Variants in PLCXD3 observed in about 807,000 individuals in gnomAD.
PLCXD3 encodes the protein PI-PLC X domain-containing protein 3.
Under a neutral mutation model 25.5 loss-of-function variants are expected in PLCXD3, and 19 were observed. The ratio of observed to expected loss-of-function variants is 0.75; its 90% CI spans 0.52 to 1.09. PLCXD3 has a LOEUF of 1.09. Ranked by LOEUF, PLCXD3 falls within the 50% of genes least tolerant of loss-of-function variation. PLCXD3 has a pLI of 0.00. For synonymous variants in PLCXD3, 174 were observed against 137.6 expected, an observed-to-expected ratio of 1.26 and a Z score of -1.85; for missense variants, 411 against 388.1, an observed-to-expected ratio of 1.06 and a Z score of -0.50.
At position 41,407,575 on chromosome 5, in the gene PLCXD3, T is replaced by C. The variant is rs1746389584; in HGVS notation, c.104-25041A>G. ...TTTGCCTCAATCTTCCAGCTCGTGATTGAGTCTTTATGAACAATCCAAGAG... is the reference window on the plus strand; with the variant it reads ...TTTGCCTCAATCTTCCAGCTCGTGACTGAGTCTTTATGAACAATCCAAGAG... On this transcript the variant is annotated intron_variant, in intron 1 of 2. Transcript: ENST00000377801. 2.6e-5 allele frequency among the ~76,000 whole-genome samples: 4 copies of C among 152,204 alleles called. No individual in the cohort carries two copies. The South Asian group carries it at 8.3e-4, about 31-fold the overall frequency.
chr5:41,465,353 C>CTTTTTTTTTTTT lies in PLCXD3; in HGVS notation c.103+45059_103+45070dup. On this transcript the variant is annotated intron_variant, in intron 1 of 2. Coordinates refer to ENST00000377801, the MANE Select transcript of PLCXD3 (RefSeq NM_001005473.3). ...TCCTACTTTCCCCACTAGTTCTTGT[C>CTTTTTTTTTTTT]TTTTTTTTTTTTTTTTTTTTTTTTT... 3.6e-3 allele frequency among the ~76,000 whole-genome samples: 47 copies of CTTTTTTTTTTTT among 13,232 alleles called. 8 individuals are homozygous for CTTTTTTTTTTTT. The highest frequency in any genetic ancestry group is 6.5e-3 in the South Asian group (1 of 154). 8.7% of individuals were successfully genotyped at this position (13,232 alleles called of 152,430 possible). A position where few individuals can be genotyped will look rare whatever the true frequency, so the allele number is the denominator to read the frequency against.
At chr5:41,395,375 A>T (rs953118360) in intron 1 of PLCXD3, among the ~76,000 whole-genome samples, 2 of 152,124 alleles carry the variant, frequency 1.3e-5, no homozygotes, top group Non-Finnish European at 2.9e-5. Flanking sequence ...CAAAACAAGG[A>T]AAAACTTCAA....
At chr5:41,324,752 G>A (rs1743574458) in intron 2 of PLCXD3, among the ~76,000 whole-genome samples, 1 of 152,150 alleles carries the variant, frequency 6.6e-6, no homozygotes, top group African/African-American at 2.4e-5. Flanking sequence ...CATCACCTTT[G>A]CATATATGAG....
chr5:41,438,216 T>C (rs1272192345), intron 1 of PLCXD3, among the ~76,000 whole-genome samples: 6 of 152,212 alleles, frequency 3.9e-5, no homozygotes, highest in Admixed American at 3.9e-4. Flanking sequence ...TTGCTCACTT[T>C]TAAGTGAAAA....
chr5:41,449,122 A>C (rs146085535), intron 1 of PLCXD3, among the ~76,000 whole-genome samples: 98 of 152,286 alleles, frequency 6.4e-4, no homozygotes, highest in African/African-American at 2.3e-3. Context: ...ACTCCTTGGC[A>C]TTTCTGTATA....
intron 1 of PLCXD3, among the ~76,000 whole-genome samples, chr5:41,488,219 A>G (rs1194061990): frequency 6.7e-6 from 1 of 149,310 alleles, no homozygotes; most frequent in Admixed American, 6.7e-5. Context: ...GAGAATGATG[A>G]TTTCCAATTT....
In PLCXD3 at chr5:41,311,248, G is replaced by T. The variant is rs1743130616; in HGVS notation, c.*2369C>A. The T allele has an allele frequency of 6.6e-6, 1 of 151,802 alleles. No homozygotes were observed. Among genetic ancestry groups the T allele is most frequent in the African/African-American group, 2.4e-5 (1 of 41,322 alleles). The allele number at this position is 151,802 out of a possible 1,614,324, so 9.4% of individuals were successfully genotyped here. A position where few individuals can be genotyped will look rare whatever the true frequency, so the allele number is the denominator to read the frequency against. ...TTCAATAATCCTAATCATTTTAAAAGGATTCATATACATTTTCACATAAAG... is the reference window on the plus strand; with the variant it reads ...TTCAATAATCCTAATCATTTTAAAATGATTCATATACATTTTCACATAAAG... On this transcript the variant is annotated 3_prime_UTR_variant, in exon 3 of 3. Transcript: ENST00000377801.
intron 1 of PLCXD3, among the ~76,000 whole-genome samples, chr5:41,503,909 T>A (rs1399377779): frequency 6.6e-6 from 1 of 152,050 alleles, no homozygotes; most frequent in African/African-American, 2.4e-5. Flanking sequence ...TCACTGGTGG[T>A]AATAGTTAAA....
chr5:41,365,283 T>C (rs908669729), intron 2 of PLCXD3, among the ~76,000 whole-genome samples: 5 of 152,184 alleles, frequency 3.3e-5, no homozygotes, highest in Non-Finnish European at 5.9e-5. Flanking sequence ...GACGTGCACC[T>C]GATATATGGG....
At chr5:41,449,706 T>C (rs1747583841) in intron 1 of PLCXD3, among the ~76,000 whole-genome samples, 1 of 152,058 alleles carries the variant, frequency 6.6e-6, no homozygotes, top group South Asian at 2.1e-4. Flanking sequence ...TGCCTCAGAG[T>C]TATCTCACCT....
At chr5:41,350,259 A>T (rs1436917793) in intron 2 of PLCXD3, among the ~76,000 whole-genome samples, 2 of 152,168 alleles carry the variant, frequency 1.3e-5, no homozygotes, top group Non-Finnish European at 2.9e-5. Flanking sequence ...GGCATATTTG[A>T]TTTAAGCTAA....
At chr5:41,427,020 T>C (rs924480411) in intron 1 of PLCXD3, among the ~76,000 whole-genome samples, 29 of 152,158 alleles carry the variant, frequency 1.9e-4, no homozygotes, top group Non-Finnish European at 4.0e-4. Flanking sequence ...ATTATCAATC[T>C]CTCCTTTCTT....
intron 1 of PLCXD3, among the ~76,000 whole-genome samples, chr5:41,486,271 G>T (rs1478329909): frequency 6.6e-6 from 1 of 151,732 alleles, no homozygotes; most frequent in Non-Finnish European, 1.5e-5. Flanking sequence ...ATATATATTA[G>T]ACTCTGTTTC....
intron 2 of PLCXD3, among the ~76,000 whole-genome samples, chr5:41,368,844 C>T (rs1406982184): frequency 1.3e-5 from 2 of 152,160 alleles, no homozygotes; most frequent in African/African-American, 2.4e-5. Flanking sequence ...TTTCAATCTA[C>T]AGCTGACCAC....
In PLCXD3 at chr5:41,310,694, T is replaced by G. The variant is rs1004316188; in HGVS notation, c.*2923A>C. 1.3e-5 allele frequency: 2 copies of G among 152,594 alleles called. No individual in the cohort carries two copies. Among genetic ancestry groups the G allele is most frequent in the African/African-American group, 4.8e-5 (2 of 41,448 alleles). The allele number at this position is 152,594 out of a possible 1,614,324, so 9.5% of individuals were successfully genotyped here. A position where few individuals can be genotyped will look rare whatever the true frequency, so the allele number is the denominator to read the frequency against. ...AAAGGCACCTTCTCTCCATTCCCCT[T>G]TCCAAGGACTCCCTTTTAGTAAACT... On this transcript the variant is annotated 3_prime_UTR_variant, in exon 3 of 3. Transcript: ENST00000377801.
intron 1 of PLCXD3, among the ~76,000 whole-genome samples, chr5:41,401,472 A>G (rs1460485262): frequency 6.6e-6 from 1 of 152,022 alleles, no homozygotes; most frequent in Non-Finnish European, 1.5e-5. Context: ...CCACTAAATT[A>G]CCTTGGCATA....
chr5:41,352,159 A>C (rs1201080955), intron 2 of PLCXD3, among the ~76,000 whole-genome samples: 2 of 152,238 alleles, frequency 1.3e-5, no homozygotes, highest in African/African-American at 4.8e-5. Flanking sequence ...AAGTCTCAGC[A>C]TGCAGAAGAC....
chr5:41,505,953 A>G (rs1347767458), intron 1 of PLCXD3, among the ~76,000 whole-genome samples: 1 of 152,252 alleles, frequency 6.6e-6, no homozygotes, highest in Non-Finnish European at 1.5e-5. Context: ...ATGTATATTT[A>G]AATTTGCCTC....
chr5:41,381,680 T>A, intron 2 of PLCXD3, 146 bp downstream of exon 2: 1 of 685,606 alleles, frequency 1.5e-6, no homozygotes, highest in East Asian at 2.8e-5. Flanking sequence ...TTTTATTCTT[T>A]TAAGAAACCC....
Sources: allele counts gnomAD v4.1 joint callset (sites outside exome capture counted in the v4.1 genomes callset), GRCh38; gene constraint gnomAD v4.1.1; transcripts MANE v1.5; gene names NCBI Gene and HGNC (gene_info 2026-07-23, HGNC 2026-07-21).